The following CNNM2 variants were observed in gnomAD, a reference collection of about 807,000 sequenced individuals.
CNNM2 encodes the protein metal transporter CNNM2.
Under a neutral mutation model 66.9 loss-of-function variants are expected in CNNM2, and 12 were observed. The ratio of observed to expected loss-of-function variants is 0.18; its 90% CI spans 0.11 to 0.29. The LOEUF (loss-of-function observed/expected upper bound fraction) is 0.29, where lower values mean the gene tolerates loss of function less well. CNNM2 is among the 10% of genes least tolerant of loss of function. CNNM2 has a pLI of 1.00. For synonymous variants in CNNM2, 557 were observed against 501.8 expected (o/e 1.11, Z -1.47); for missense variants, 705 against 1,167.7 (o/e 0.60, Z 5.77).
intron 1 of CNNM2, among the ~76,000 whole-genome samples, chr10:102,935,596 T>TA (rs917538093): frequency 4.1e-5 from 6 of 146,636 alleles, no homozygotes; most frequent in Non-Finnish European, 6.0e-5. Context: ...TATGGTCCTT[T>TA]AAAAAAAAAT....
chr10:103,047,296 A>C lies in CNNM2; in HGVS notation c.1622-2411A>C, dbSNP rs189792232. Reference sequence around the variant, plus strand: ...CATGGGTGAAACATCAGACAAGCTCAAATCGGGGGACATTCTGCAGGAGGC... The same window carrying C: ...CATGGGTGAAACATCAGACAAGCTCCAATCGGGGGACATTCTGCAGGAGGC... On this transcript the variant is annotated intron_variant, in intron 1 of 7. Transcript: ENST00000369878. 3.1e-4 allele frequency among the ~76,000 whole-genome samples: 47 copies of C among 152,324 alleles called. No homozygotes were observed. The Middle Eastern group carries it at 0.01, about 33-fold the overall frequency.
intron 1 of CNNM2, among the ~76,000 whole-genome samples, chr10:102,968,152 T>C (rs2063493865): frequency 1.3e-5 from 2 of 152,236 alleles, no homozygotes; most frequent in African/African-American, 4.8e-5. Flanking sequence ...GCTGCCAAAC[T>C]GTTCTCCAAC....
intron 2 of CNNM2, 98 bp downstream of exon 2, chr10:103,049,948 T>C (rs2065188577): frequency 3.3e-6 from 4 of 1,201,080 alleles, no homozygotes; most frequent in Non-Finnish European, 4.7e-6. Flanking sequence ...TGCCTCTGTT[T>C]ATAATGACAC....
chr10:103,061,010 T>G (rs1564866184), intron 4 of CNNM2, among the ~76,000 whole-genome samples: 1 of 152,204 alleles, frequency 6.6e-6, no homozygotes, highest in East Asian at 1.9e-4. Context: ...TTAAGAAATC[T>G]TATTCCTTAC....
At chr10:102,960,956 A>T (rs2063369747) in intron 1 of CNNM2, among the ~76,000 whole-genome samples, 1 of 149,100 alleles carries the variant, frequency 6.7e-6, no homozygotes, top group African/African-American at 2.5e-5. Flanking sequence ...TGCAATGGTG[A>T]GATCTTGGCT....
intron 1 of CNNM2, among the ~76,000 whole-genome samples, chr10:102,936,192 G>A (rs1030478435): frequency 1.3e-5 from 2 of 152,086 alleles, no homozygotes; most frequent in Admixed American, 6.6e-5. Flanking sequence ...GAGCCTCTGC[G>A]GAGTGGCGTT....
chr10:102,999,550 C>T (rs949594577), intron 1 of CNNM2, among the ~76,000 whole-genome samples: 7 of 152,062 alleles, frequency 4.6e-5, no homozygotes, highest in Admixed American at 1.3e-4. Context: ...CTGTGTTTGT[C>T]GACTCATGGA....
intron 2 of CNNM2, among the ~76,000 whole-genome samples, chr10:103,052,719 G>T (rs1045659834): frequency 1.3e-5 from 2 of 152,100 alleles, no homozygotes. Context: ...TCACCATGTT[G>T]TTCAGGCTGG....
chr10:102,996,963 G>A (rs976962086), intron 1 of CNNM2, among the ~76,000 whole-genome samples: 1 of 152,118 alleles, frequency 6.6e-6, no homozygotes, highest in African/African-American at 2.4e-5. Context: ...TCCAAACTGG[G>A]CTGACTGCTC....
At chr10:103,010,888 C>T (rs1317933400) in intron 1 of CNNM2, among the ~76,000 whole-genome samples, 3 of 152,138 alleles carry the variant, frequency 2.0e-5, no homozygotes, top group African/African-American at 7.2e-5. Flanking sequence ...GCTGGGATTA[C>T]AGGCGTAAGC....
intron 1 of CNNM2, among the ~76,000 whole-genome samples, chr10:103,004,174 T>G (rs1257434724): frequency 1.3e-5 from 2 of 150,714 alleles, no homozygotes; most frequent in Non-Finnish European, 3.0e-5. Context: ...GGCTAATTTT[T>G]TTGTATTTAG....
At position 102,920,124 on chromosome 10, in the gene CNNM2, A is replaced by G. The variant is rs901017398; in HGVS notation, c.1621+23A>G. On this transcript the variant is annotated intron_variant, in intron 1 of 7. Coordinates refer to ENST00000369878, the MANE Select transcript of CNNM2 (RefSeq NM_017649.5). ...AAGGTGGGAAATTTTGGTCTCTTTC[A>G]TTGGCTTGCTCTTTCTCTCTCCATC... is the stretch of plus-strand genomic sequence containing the variant. 7.4e-6 allele frequency: 12 copies of G among 1,613,970 alleles called. No homozygotes were observed. Among genetic ancestry groups the G allele is most frequent in the African/African-American group, 2.7e-5 (2 of 74,878 alleles).
chr10:103,022,493 T>G (rs1039357357), intron 1 of CNNM2, among the ~76,000 whole-genome samples: 4 of 152,200 alleles, frequency 2.6e-5, no homozygotes, highest in African/African-American at 9.7e-5. Context: ...CTGATTGTGC[T>G]TATCTCTTTC....
intron 1 of CNNM2, among the ~76,000 whole-genome samples, chr10:102,924,863 G>A (rs1319837096): frequency 6.6e-6 from 1 of 152,084 alleles, no homozygotes; most frequent in Non-Finnish European, 1.5e-5. Flanking sequence ...TTTTTGTGCA[G>A]TAACATACAT....
rs558909203 is a variant in CNNM2 at position 103,054,144 on chromosome 10, G to T, written c.1766-185G>T. Among the ~76,000 whole-genome samples, 1 of 152,290 alleles carries T rather than the reference G, an allele frequency of 6.6e-6. No homozygotes were observed. The highest frequency in any genetic ancestry group is 1.9e-4 in the East Asian group (1 of 5,174). ...CTGCGGACTGCGTGGTGCCCAGGCC[G>T]CCGTGCTGATTTGATGAGGATCTGG... On this transcript the variant is annotated intron_variant, in intron 2 of 7. Coordinates refer to ENST00000369878, the MANE Select transcript of CNNM2 (RefSeq NM_017649.5). This position sits in a 1 kb window ranked among gnomAD's most constrained non-coding sequence, Gnocchi z 5.2.
At chr10:103,049,661 AG>A in intron 1 of CNNM2, 45 bp from the exon 2 acceptor site, 3 of 1,581,158 alleles carry the variant, frequency 1.9e-6, no homozygotes, top group Non-Finnish European at 2.6e-6. Context: ...CATGTCATTC[AG>A]AAAATTCAGA....
rs113443995 is a variant in CNNM2, at chr10:102,983,772, AT to A, written c.1621+63684del. Among the ~76,000 whole-genome samples, 59,483 of 145,534 alleles carry A rather than the reference AT, an allele frequency of 0.41. 11,963 individuals carry two copies. The highest frequency in any genetic ancestry group is 0.57 in the East Asian group (2,779 of 4,896). On this transcript the variant is annotated intron_variant, in intron 1 of 7. Transcript: ENST00000369878. ...ATTTTACATAGCACTTAAATTGTAA[AT>A]TTTTTTTTTTTTGACAGAGTCTTGC...
intron 1 of CNNM2, among the ~76,000 whole-genome samples, chr10:102,956,809 G>A (rs1350883240): frequency 6.6e-6 from 1 of 152,054 alleles, no homozygotes; most frequent in African/African-American, 2.4e-5. Flanking sequence ...AACACACACT[G>A]GGGCCTGTCA....
intron 1 of CNNM2, among the ~76,000 whole-genome samples, chr10:102,925,221 G>A (rs1370189443): frequency 2.0e-5 from 3 of 150,460 alleles, no homozygotes; most frequent in Admixed American, 6.6e-5. Flanking sequence ...GCTTGAACCC[G>A]GGAGGCGGAG....
Sources: allele counts gnomAD v4.1 joint callset (sites outside exome capture counted in the v4.1 genomes callset), GRCh38; gene constraint gnomAD v4.1.1; non-coding constraint Gnocchi (gnomAD v3.1); transcripts MANE v1.5; gene names NCBI Gene and HGNC (gene_info 2026-07-23, HGNC 2026-07-21).